Variants in SVIL observed in about 807,000 individuals in gnomAD.
The protein encoded by SVIL is archvillin.
SVIL carries 101 observed loss-of-function variants against 240.4 expected under a neutral mutation model. The observed-to-expected ratio is 0.42, with a 90% CI of 0.36 to 0.50. The LOEUF (loss-of-function observed/expected upper bound fraction) is 0.50, where lower values mean the gene tolerates loss of function less well. Among genes scored for constraint, SVIL ranks in the 20% least tolerant of loss-of-function variants. The pLI is 0.01. For synonymous variants in SVIL, 999 were observed against 1,100.0 expected, an observed-to-expected ratio of 0.91 and a Z score of 1.82; for missense variants, 2,512 against 2,818.7, an observed-to-expected ratio of 0.89 and a Z score of 2.46.
chr10:29,657,013 T>C (rs1959026797), intron 3 of SVIL, among the ~76,000 whole-genome samples: 1 of 152,208 alleles, frequency 6.6e-6, no homozygotes, highest in African/African-American at 2.4e-5. Flanking sequence ...ATTATAAGCA[T>C]CTTACACATA....
chr10:29,713,362 T>C (rs1291578930), intron 1 of SVIL, among the ~76,000 whole-genome samples: 2 of 152,046 alleles, frequency 1.3e-5, no homozygotes, highest in African/African-American at 2.4e-5. Flanking sequence ...TGAGGAGTTA[T>C]ACAACTATTA....
At chr10:29,467,929 C>G (rs999624178) in intron 32 of SVIL, 54 bp from the exon 33 acceptor site, 19 of 1,575,854 alleles carry the variant, frequency 1.2e-5, no homozygotes, top group Non-Finnish European at 1.6e-5. Context: ...TGCTGGTGAC[C>G]CAAAATTATT....
At chr10:29,717,360 T>C (rs1963692197) in intron 1 of SVIL, among the ~76,000 whole-genome samples, 1 of 151,324 alleles carries the variant, frequency 6.6e-6, no homozygotes, top group South Asian at 2.1e-4. Context: ...AACTTACTTA[T>C]GACCTAGCTA....
At chr10:29,511,909 A>G (rs1199897694) in intron 17 of SVIL, among the ~76,000 whole-genome samples, 1 of 152,326 alleles carries the variant, frequency 6.6e-6, no homozygotes, top group East Asian at 1.9e-4. Flanking sequence ...TGCTTAACTT[A>G]TTTTAGAGCT....
chr10:29,507,645 C>T, intron 17 of SVIL: 1 of 547,534 alleles, frequency 1.8e-6, no homozygotes, highest in Non-Finnish European at 2.3e-6. Context: ...GTGAAATGCA[C>T]CAAATAAGTT....
At chr10:29,562,760 C>CAA (rs1954607632) in intron 3 of SVIL, among the ~76,000 whole-genome samples, 1 of 61,428 alleles carries the variant, frequency 1.6e-5, no homozygotes. Flanking sequence ...GACTCCGTCT[C>CAA]AAAAAAAAGA....
chr10:29,709,816 G>T (rs1963153462), intron 1 of SVIL, among the ~76,000 whole-genome samples: 1 of 152,154 alleles, frequency 6.6e-6, no homozygotes, highest in Non-Finnish European at 1.5e-5. Flanking sequence ...TCCCAGCAAG[G>T]CTTGCAGGCA....
At position 29,524,767 on chromosome 10, in the gene SVIL, C is replaced by T. The variant is rs145586343; in HGVS notation, c.2343-52G>A. ...CATATACCAACAAACAAAAGCACAC[C>T]GCTAAGTTTCTACGTTAACTTTCTG... On this transcript the variant is annotated intron_variant, in intron 13 of 37. Transcript: ENST00000355867. 6.4e-5 allele frequency: 102 copies of T among 1,598,348 alleles called. No individual in the cohort carries two copies. The East Asian group carries it at 1.2e-3, about 19-fold the overall frequency.
intron 1 of SVIL, among the ~76,000 whole-genome samples, chr10:29,607,516 C>CT (rs1191429315): frequency 6.7e-6 from 1 of 150,318 alleles, no homozygotes; most frequent in Admixed American, 6.6e-5. Flanking sequence ...TTTTCAAATT[C>CT]TTTTTTGTAT....
At chr10:29,685,223 T>C (rs1188149260) in intron 2 of SVIL, among the ~76,000 whole-genome samples, 1 of 152,250 alleles carries the variant, frequency 6.6e-6, no homozygotes, top group Non-Finnish European at 1.5e-5. Flanking sequence ...CCTCCAGCTC[T>C]ATCCATGTTG....
chr10:29,488,088 C>T lies in SVIL; in HGVS notation c.4348+513G>A, dbSNP rs1055728347. ...TTCATCTTTGGAATCTCCCTTGCTA[C>T]GGACAGGAAGGGCACTAGAGCGGAA... On this transcript the variant is annotated intron_variant, in intron 23 of 37. Transcript: ENST00000355867. 2.6e-5 allele frequency among the ~76,000 whole-genome samples: 4 copies of T among 152,094 alleles called. No individual in the cohort carries two copies. The East Asian group carries it at 7.7e-4, about 29-fold the overall frequency.
chr10:29,669,938 A>C (rs997964275), intron 2 of SVIL, among the ~76,000 whole-genome samples: 1 of 152,078 alleles, frequency 6.6e-6, no homozygotes, highest in Middle Eastern at 3.4e-3. Flanking sequence ...ACTCAGGGAG[A>C]CCTTATCTCT....
chr10:29,548,202 A>G (rs1171430249), intron 6 of SVIL, among the ~76,000 whole-genome samples: 1 of 152,204 alleles, frequency 6.6e-6, no homozygotes, highest in East Asian at 1.9e-4. Context: ...TCTGCTTCAT[A>G]TGTGTTACTG....
chr10:29,657,291 A>G (rs1007546364), intron 3 of SVIL, among the ~76,000 whole-genome samples: 4 of 152,186 alleles, frequency 2.6e-5, no homozygotes, highest in African/African-American at 9.7e-5. Context: ...CAAATGGAAC[A>G]CTGGTCTTAA....
chr10:29,577,415 T>C (rs1344998619), intron 1 of SVIL, among the ~76,000 whole-genome samples: 2 of 152,180 alleles, frequency 1.3e-5, no homozygotes, highest in Non-Finnish European at 2.9e-5. Context: ...CTCCCACTTA[T>C]ACATGAAAAC....
intron 3 of SVIL, among the ~76,000 whole-genome samples, chr10:29,649,113 T>C (rs1958758382): frequency 6.6e-6 from 1 of 152,138 alleles, no homozygotes; most frequent in Non-Finnish European, 1.5e-5. Context: ...TGAGCTGTGA[T>C]TACACCACTG....
intron 1 of SVIL, among the ~76,000 whole-genome samples, chr10:29,723,432 A>T (rs1964104909): frequency 6.6e-6 from 1 of 152,140 alleles, no homozygotes; most frequent in South Asian, 2.1e-4. Context: ...TTAAACTGTG[A>T]TTATTCATGA....
rs184252759 is a variant in SVIL, at chr10:29,503,517, G to A, written c.3517-4254C>T. Among the ~76,000 whole-genome samples, 428 of 152,226 alleles carry A rather than the reference G, an allele frequency of 2.8e-3. 1 individual carries two copies. Among genetic ancestry groups the A allele is most frequent in the Middle Eastern group, 0.01 (3 of 294 alleles). ...TAAATATTAAGACACCAGTATTGCT[G>A]GAAGAAAGAAAAGGAGTGACTTGAC... On this transcript the variant is annotated intron_variant, in intron 17 of 37. Coordinates refer to ENST00000355867, the MANE Select transcript of SVIL (RefSeq NM_021738.3).
At chr10:29,666,856 C>T (rs902149004) in intron 2 of SVIL, among the ~76,000 whole-genome samples, 2 of 152,164 alleles carry the variant, frequency 1.3e-5, no homozygotes, top group African/African-American at 4.8e-5. Flanking sequence ...TTGGCTGTGT[C>T]TCCACCCAAA....
Sources: allele counts gnomAD v4.1 joint callset (sites outside exome capture counted in the v4.1 genomes callset), GRCh38; gene constraint gnomAD v4.1.1; transcripts MANE v1.5; gene names NCBI Gene and HGNC (gene_info 2026-07-23, HGNC 2026-07-21).